Variants in COLEC11 observed in about 807,000 individuals in gnomAD.
COLEC11 encodes collectin-11.
In COLEC11, 20 loss-of-function variants were observed where a neutral mutation model predicts 27.3. That is an observed-to-expected ratio of 0.73 (90% CI 0.51 to 1.06). The LOEUF (loss-of-function observed/expected upper bound fraction) is 1.06. COLEC11 is among the 50% of genes least tolerant of loss of function. The pLI, the probability that COLEC11 is intolerant of heterozygous loss-of-function variation, is 0.00. For missense variants in COLEC11, 310 were observed against 383.0 expected (o/e 0.81, Z 1.59); for synonymous variants, 163 against 154.7 (o/e 1.05, Z -0.40).
chr2:3,638,634 T>C (rs1335237798), intron 4 of COLEC11, among the ~76,000 whole-genome samples: 3 of 151,980 alleles, frequency 2.0e-5, no homozygotes, highest in African/African-American at 7.3e-5. Context: ...CTGTACCTGG[T>C]AGAAAGGGCT....
chr2:3,604,834 A>G (rs1662514951), intron 2 of COLEC11, among the ~76,000 whole-genome samples: 1 of 152,162 alleles, frequency 6.6e-6, no homozygotes, highest in Non-Finnish European at 1.5e-5. Flanking sequence ...AGGGTCAGAG[A>G]AAATTTGCAA....
intron 1 of COLEC11, chr2:3,601,956 C>T (rs897993945): frequency 2.6e-5 from 4 of 152,208 alleles, no homozygotes; most frequent in Admixed American, 2.6e-4. Context: ...GCAGGGCTAT[C>T]TTGGGCATCT....
intron 1 of COLEC11, among the ~76,000 whole-genome samples, chr2:3,596,341 T>TC (rs1343337293): frequency 6.6e-6 from 1 of 150,648 alleles, no homozygotes; most frequent in Admixed American, 6.6e-5. Flanking sequence ...TATTTCATTT[T>TC]TTTTTTTTTT....
chr2:3,638,368 C>G lies in COLEC11; in HGVS notation c.274+764C>G, dbSNP rs150021809. Among the ~76,000 whole-genome samples, 478 of 152,336 alleles carry G rather than the reference C, an allele frequency of 3.1e-3. 1 individual carries two copies. Among genetic ancestry groups the G allele is most frequent in the African/African-American group, 0.01 (429 of 41,578 alleles). On this transcript the variant is annotated intron_variant, in intron 4 of 6. Coordinates refer to ENST00000349077, the MANE Select transcript of COLEC11 (RefSeq NM_024027.5). ...GGGCAAGGAGCTGGCCGTCCCTGAG[C>G]TCTTCAGGTGTGGACTCATGAAGTC...
intron 1 of COLEC11, among the ~76,000 whole-genome samples, chr2:3,598,937 T>C (rs1222914454): frequency 6.6e-6 from 1 of 152,216 alleles, no homozygotes; most frequent in Admixed American, 6.5e-5. Context: ...ACAACGTATA[T>C]TGGCTCCTTG....
intron 4 of COLEC11, among the ~76,000 whole-genome samples, chr2:3,637,828 G>A (rs1324655541): frequency 6.6e-6 from 1 of 152,200 alleles, no homozygotes; most frequent in Non-Finnish European, 1.5e-5. Context: ...CCATTCTGCA[G>A]GATTTTCACA....
intron 3 of COLEC11, among the ~76,000 whole-genome samples, chr2:3,628,646 G>A (rs1251885372): frequency 6.6e-6 from 1 of 152,234 alleles, no homozygotes; most frequent in Non-Finnish European, 1.5e-5. Flanking sequence ...GAGGTGGTGC[G>A]GTTGGATGGC....
chr2:3,608,754 C>T (rs1662935688), intron 2 of COLEC11, among the ~76,000 whole-genome samples: 1 of 152,246 alleles, frequency 6.6e-6, no homozygotes, highest in African/African-American at 2.4e-5. Context: ...GATGCGTGGA[C>T]AGGGCAAGTC....
At chr2:3,604,534 T>C (rs1303447633) in intron 2 of COLEC11, 64 bp downstream of exon 2, 4 of 1,561,156 alleles carry the variant, frequency 2.6e-6, no homozygotes, top group Non-Finnish European at 3.5e-6. Flanking sequence ...GAGACTCCCA[T>C]GCAACTGCGC....
intron 3 of COLEC11, among the ~76,000 whole-genome samples, chr2:3,636,886 G>A (rs111880301): frequency 6.6e-6 from 1 of 152,082 alleles, no homozygotes; most frequent in Non-Finnish European, 1.5e-5. Flanking sequence ...ATGAGAGAAG[G>A]GTGGGGGACA....
intron 2 of COLEC11, among the ~76,000 whole-genome samples, chr2:3,609,780 T>C (rs1317682596): frequency 2.0e-5 from 3 of 152,188 alleles, no homozygotes; most frequent in Admixed American, 1.3e-4. Flanking sequence ...TCCACCCGCC[T>C]TGGGCTCCCA....
At chr2:3,630,229 T>G (rs1664895018) in intron 3 of COLEC11, among the ~76,000 whole-genome samples, 1 of 152,222 alleles carries the variant, frequency 6.6e-6, no homozygotes, top group Non-Finnish European at 1.5e-5. Flanking sequence ...TGTGTATGCA[T>G]ATCAGGGTAG....
chr2:3,643,920 C>G lies in COLEC11; in HGVS notation c.618C>G (p.Asn206Lys). 6.2e-7 allele frequency: 1 copy of G among 1,614,146 alleles called. No individual in the cohort carries two copies. The highest frequency in any genetic ancestry group is 8.5e-7 in the Non-Finnish European group (1 of 1,180,048). ...TGGCCCGTGTCTTCATCGGCATCAACGACCTGGAGAAGGAGGGCGCCTTCG... is the reference window on the plus strand; with the variant it reads ...TGGCCCGTGTCTTCATCGGCATCAAGGACCTGGAGAAGGAGGGCGCCTTCG... The part of the protein sequence containing the change: ...AGLARVFIGI[N>K]DLEKEGAFVY... Residue 206 changes from asparagine to lysine, a missense_variant, in exon 7 of 7, where the codon AAC becomes AAG. By Grantham distance (94) the Asn-to-Lys change is moderately conservative. Coordinates refer to ENST00000349077, the MANE Select transcript of COLEC11 (RefSeq NM_024027.5).
intron 1 of COLEC11, among the ~76,000 whole-genome samples, chr2:3,597,086 A>G (rs1174414781): frequency 6.6e-6 from 1 of 152,086 alleles, no homozygotes; most frequent in Non-Finnish European, 1.5e-5. Flanking sequence ...GAGAAATCCC[A>G]GCCTGGGCTG....
chr2:3,644,068 T>G lies in COLEC11; in HGVS notation c.766T>G (p.Cys256Gly). 6.2e-7 allele frequency: 1 copy of G among 1,613,712 alleles called. No homozygotes were observed. The highest frequency in any genetic ancestry group is 8.5e-7 in the Non-Finnish European group (1 of 1,180,046). Residue 256 changes from cysteine to glycine, a missense_variant, in exon 7 of 7, where the codon TGC (cysteine) becomes GGC (glycine). Physicochemically the swap from Cys to Gly is radical, Grantham distance 159. Coordinates refer to ENST00000349077, the MANE Select transcript of COLEC11 (RefSeq NM_024027.5). ...VASGGWNDVA[C>G]HTTMYFMCEF... ...CTCGGGCGGCTGGAACGACGTGGCC[T>G]GCCACACCACCATGTACTTCATGTG...
At chr2:3,619,149 C>A (rs928338527) in intron 3 of COLEC11, among the ~76,000 whole-genome samples, 2 of 151,150 alleles carry the variant, frequency 1.3e-5, no homozygotes, top group East Asian at 3.9e-4. Context: ...TTGGATGGAT[C>A]CCTCCCTCCT....
chr2:3,640,242 C>A (rs920980869), intron 4 of COLEC11, 36 bp from the exon 5 acceptor site: 3 of 1,362,852 alleles, frequency 2.2e-6, no homozygotes, highest in South Asian at 2.3e-5. Context: ...ATGTCCATCT[C>A]TGCCTGGTGA....
chr2:3,604,557 A>G (rs1260434391), intron 2 of COLEC11, 87 bp downstream of exon 2: 26 of 1,450,018 alleles, frequency 1.8e-5, no homozygotes, highest in Non-Finnish European at 2.2e-5. Flanking sequence ...TTCCACGGAA[A>G]AGCACAAAGC....
rs1666121567 is a variant in COLEC11 at position 3,644,458 on chromosome 2, A to G, written c.*340A>G. ...TAAGTAGTGCAGTAGTTAAGTCCAAATAGTGGCAATGGGGTCTTGAATTAC... is the reference window on the plus strand; with the variant it reads ...TAAGTAGTGCAGTAGTTAAGTCCAAGTAGTGGCAATGGGGTCTTGAATTAC... On this transcript the variant is annotated 3_prime_UTR_variant, in exon 7 of 7. Transcript: ENST00000349077. 1 of 517,176 alleles carries G rather than the reference A, an allele frequency of 1.9e-6. No homozygotes were observed. The highest frequency in any genetic ancestry group is 5.6e-4 in the Middle Eastern group (1 of 1,770). 32.0% of individuals were successfully genotyped at this position (517,176 alleles called of 1,614,324 possible). A position where few individuals can be genotyped will look rare whatever the true frequency, so the allele number is the denominator to read the frequency against.
Sources: allele counts gnomAD v4.1 joint callset (sites outside exome capture counted in the v4.1 genomes callset), GRCh38; gene constraint gnomAD v4.1.1; transcripts MANE v1.5; gene names NCBI Gene and HGNC (gene_info 2026-07-23, HGNC 2026-07-21).